PCDH15: variants seen among roughly 807,000 people sequenced by gnomAD.
PCDH15 encodes protocadherin related 15.
A neutral mutation model predicts 178.5 loss-of-function variants in PCDH15; 129 were observed. That is an observed-to-expected ratio of 0.72 (90% CI 0.63 to 0.84). PCDH15 has a LOEUF of 0.84. Among genes scored for constraint, PCDH15 ranks in the 40% least tolerant of loss-of-function variants. PCDH15 has a pLI of 0.00. For synonymous variants in PCDH15, 800 were observed against 732.0 expected, an observed-to-expected ratio of 1.09 and a Z score of -1.50; for missense variants, 2,230 against 2,099.9, an observed-to-expected ratio of 1.06 and a Z score of -1.21.
At chr10:54,157,596 G>A (rs1440752573) in intron 13 of PCDH15, among the ~76,000 whole-genome samples, 3 of 152,182 alleles carry the variant, frequency 2.0e-5, no homozygotes, top group Admixed American at 1.3e-4. Flanking sequence ...ATGCCCTGGA[G>A]ATATTTTCCC....
chr10:54,066,358 A>G (rs918845501), intron 18 of PCDH15, among the ~76,000 whole-genome samples: 3 of 152,180 alleles, frequency 2.0e-5, no homozygotes, highest in African/African-American at 7.2e-5. Flanking sequence ...TATTAGAAAC[A>G]CACGGTAGAC....
intron 25 of PCDH15, among the ~76,000 whole-genome samples, chr10:53,907,400 C>A (rs370189984): frequency 1.3e-5 from 2 of 152,064 alleles, no homozygotes; most frequent in African/African-American, 4.8e-5. Context: ...AACGTGCGTG[C>A]CTAATATCCT....
Position 54,133,059 on chromosome 10 carries a change from A to T in PCDH15, c.1785-52T>A, listed in dbSNP as rs372972022. 44 of 1,611,138 alleles carry T rather than the reference A, an allele frequency of 2.7e-5. No homozygotes were observed. The African/African-American group carries it at 4.7e-4, about 17-fold the overall frequency. On this transcript the variant is annotated intron_variant, in intron 14 of 37. Transcript: ENST00000644397. ...TGGTTACGAATCTGCATCACATTTA[A>T]TGTTAGACTGCATTGTTTATTCAGT... is the stretch of plus-strand genomic sequence containing the variant.
At chr10:54,945,683 G>C (rs543073418) in intron 2 of PCDH15, among the ~76,000 whole-genome samples, 1 of 151,732 alleles carries the variant, frequency 6.6e-6, no homozygotes, top group South Asian at 2.1e-4. Flanking sequence ...TTTCTAAAAT[G>C]GCCATCCAAG....
intron 1 of PCDH15, among the ~76,000 whole-genome samples, chr10:54,700,146 C>T (rs777233090): frequency 2.6e-5 from 4 of 151,978 alleles, no homozygotes; most frequent in Admixed American, 6.6e-5. Flanking sequence ...CAAAGTCAAT[C>T]GACTGAACCC....
chr10:54,555,969 G>GA (rs140788243), intron 2 of PCDH15, among the ~76,000 whole-genome samples: 47,064 of 151,362 alleles, frequency 0.31, 7,982 homozygotes, highest in East Asian at 0.52. Flanking sequence ...ACAACCAAAG[G>GA]GAAAGGACAA....
chr10:54,130,992 A>G (rs1383797432), intron 15 of PCDH15, among the ~76,000 whole-genome samples: 1 of 152,174 alleles, frequency 6.6e-6, no homozygotes, highest in Non-Finnish European at 1.5e-5. Context: ...TCTAATAGAG[A>G]CTGCCACTAC....
chr10:54,823,269 G>A (rs1380759255), intron 3 of PCDH15, among the ~76,000 whole-genome samples: 1 of 151,668 alleles, frequency 6.6e-6, no homozygotes, highest in African/African-American at 2.4e-5. Flanking sequence ...TTTTCACTTT[G>A]CTCAGGCTCC....
At position 53,818,134 on chromosome 10, in the gene PCDH15, T is replaced by TAAAC. The variant is rs1172534347; in HGVS notation, c.4434-125_4434-122dup. 1.3e-5 allele frequency: 5 copies of TAAAC among 392,586 alleles called. No homozygotes were observed. The East Asian group carries it at 1.4e-4, about 11-fold the overall frequency. 24.3% of individuals were successfully genotyped at this position (392,586 alleles called of 1,614,324 possible). A position where few individuals can be genotyped will look rare whatever the true frequency, so the allele number is the denominator to read the frequency against. On this transcript the variant is annotated intron_variant, in intron 33 of 37. Coordinates refer to ENST00000644397, the MANE Select transcript of PCDH15 (RefSeq NM_001384140.1). ...GTAAAACTGAGAAGACAATTTCTACTAAACACTATCTCAGTGGGAAGTATA... is the reference window on the plus strand; with the variant it reads ...GTAAAACTGAGAAGACAATTTCTACTAAACAAACACTATCTCAGTGGGAAGTATA...
intron 15 of PCDH15, among the ~76,000 whole-genome samples, chr10:54,113,630 C>T (rs1422703045): frequency 8.4e-6 from 1 of 118,994 alleles, no homozygotes; most frequent in South Asian, 2.5e-4. Flanking sequence ...CGGTCCTTCT[C>T]CCAACACAGA....
At chr10:53,967,406 C>A (rs1307213980) in intron 21 of PCDH15, among the ~76,000 whole-genome samples, 1 of 152,096 alleles carries the variant, frequency 6.6e-6, no homozygotes, top group Non-Finnish European at 1.5e-5. Context: ...ATAGCTGGAA[C>A]TACAGGTGCA....
chr10:54,699,152 A>G (rs2095274185), intron 1 of PCDH15, among the ~76,000 whole-genome samples: 1 of 152,172 alleles, frequency 6.6e-6, no homozygotes, highest in African/African-American at 2.4e-5. Context: ...AAATAACTTC[A>G]GAAAACATAA....
intron 3 of PCDH15, among the ~76,000 whole-genome samples, chr10:54,399,952 C>G (rs1429525069): frequency 6.6e-6 from 1 of 152,078 alleles, no homozygotes; most frequent in Non-Finnish European, 1.5e-5. Context: ...CTTTTTACCT[C>G]TAATGCTTTT....
At chr10:55,509,657 A>G (rs182022405) in intron 2 of PCDH15, among the ~76,000 whole-genome samples, 82 of 151,990 alleles carry the variant, frequency 5.4e-4, no homozygotes, top group African/African-American at 2.0e-3. Flanking sequence ...TTAATATGTC[A>G]TGATATATAT....
intron 3 of PCDH15, among the ~76,000 whole-genome samples, chr10:54,444,190 G>C (rs2076008073): frequency 6.6e-6 from 1 of 151,654 alleles, no homozygotes; most frequent in South Asian, 2.1e-4. Context: ...AAATCTTGCT[G>C]TAAAAACAAA....
At chr10:54,642,774 CA>C (rs1565830804) in intron 2 of PCDH15, among the ~76,000 whole-genome samples, 2 of 151,886 alleles carry the variant, frequency 1.3e-5, no homozygotes, top group Non-Finnish European at 2.9e-5. Flanking sequence ...AATAAAAGGA[CA>C]AAAGTTTTAC....
chr10:54,170,582 AC>A (rs1254132542), intron 13 of PCDH15, among the ~76,000 whole-genome samples: 1 of 150,962 alleles, frequency 6.6e-6, no homozygotes, highest in Non-Finnish European at 1.5e-5. Context: ...TCCCACAATT[AC>A]CGTCGTTCTT....
intron 9 of PCDH15, among the ~76,000 whole-genome samples, chr10:54,229,109 T>A (rs1296441360): frequency 6.6e-6 from 1 of 152,210 alleles, no homozygotes; most frequent in Non-Finnish European, 1.5e-5. Flanking sequence ...ACTAATGATA[T>A]GTGTAGAAGT....
chr10:54,247,485 T>C (rs2056065502), intron 8 of PCDH15, among the ~76,000 whole-genome samples: 1 of 151,474 alleles, frequency 6.6e-6, no homozygotes, highest in South Asian at 2.1e-4. Flanking sequence ...GTAGGACATC[T>C]AAATACAAAT....
Sources: allele counts gnomAD v4.1 joint callset (sites outside exome capture counted in the v4.1 genomes callset), GRCh38; gene constraint gnomAD v4.1.1; transcripts MANE v1.5; gene names NCBI Gene and HGNC (gene_info 2026-07-23, HGNC 2026-07-21).